Variants in ADAP1 observed in about 807,000 individuals in gnomAD.
The protein encoded by ADAP1 is ArfGAP with dual PH domains 1.
Under a neutral mutation model 54.9 loss-of-function variants are expected in ADAP1, and 31 were observed. That is an observed-to-expected ratio of 0.56 (90% confidence interval 0.42 to 0.76). The LOEUF (loss-of-function observed/expected upper bound fraction) is 0.76, where lower values mean the gene tolerates loss of function less well. ADAP1 is among the 30% of genes least tolerant of loss of function. The pLI is 0.00. For synonymous variants in ADAP1, 313 were observed against 202.6 expected (o/e 1.55, Z -4.63); for missense variants, 535 against 512.4 (o/e 1.04, Z -0.42).
chr7:947,366 TA>T (rs934780158), intron 1 of ADAP1, among the ~76,000 whole-genome samples: 1 of 151,762 alleles, frequency 6.6e-6, no homozygotes, highest in African/African-American at 2.4e-5. Flanking sequence ...CTTGATTTTT[TA>T]AAAAAGGAGA....
At chr7:936,777 G>A (rs538833651) in intron 1 of ADAP1, among the ~76,000 whole-genome samples, 28 of 152,348 alleles carry the variant, frequency 1.8e-4, no homozygotes, top group Non-Finnish European at 1.9e-4. Context: ...GGTGGAAATC[G>A]AGGCGCTTCC....
rs796284490 is a variant in ADAP1, at chr7:900,700, G to T, written c.649-84C>A. ...CAGAGGGGCTGGGGTCCCCACAGAGGGGCCGCTTCCCCCAGAGCCCAGCCC... is the reference window on the plus strand; with the variant it reads ...CAGAGGGGCTGGGGTCCCCACAGAGTGGCCGCTTCCCCCAGAGCCCAGCCC... On this transcript the variant is annotated intron_variant, in intron 6 of 10. Coordinates refer to ENST00000265846, the MANE Select transcript of ADAP1 (RefSeq NM_006869.4). The T allele has an allele frequency of 1.2e-4, 142 of 1,214,902 alleles. 1 individual carries two copies. In the African/African-American group the frequency reaches 2.0e-3, roughly 17 times the overall value. 75.3% of individuals were successfully genotyped at this position (1,214,902 alleles called of 1,614,324 possible). A position where few individuals can be genotyped will look rare whatever the true frequency, so the allele number is the denominator to read the frequency against.
intron 4 of ADAP1, among the ~76,000 whole-genome samples, chr7:911,515 T>C (rs1442839732): frequency 6.6e-6 from 1 of 150,970 alleles, no homozygotes. Context: ...CTGACTCCTG[T>C]AAGACAAACA....
chr7:903,921 ATGCTGCCCGGCGCCAG>A, intron 6 of ADAP1, 189 bp downstream of exon 6: 1 of 601,082 alleles, frequency 1.7e-6, no homozygotes, highest in Non-Finnish European at 2.7e-6. Flanking sequence ...CTGTCTTCCC[ATGCTGCCCGGCGCCAG>A]TGCCCACACT....
At chr7:949,444 G>A (rs1847217416) in intron 1 of ADAP1, among the ~76,000 whole-genome samples, 1 of 152,274 alleles carries the variant, frequency 6.6e-6, no homozygotes, top group Non-Finnish European at 1.5e-5. Context: ...AGCAAGGCTT[G>A]GCAAATGCCT....
At chr7:902,421 G>A (rs1844863231) in intron 6 of ADAP1, among the ~76,000 whole-genome samples, 1 of 50,248 alleles carries the variant, frequency 2.0e-5, no homozygotes, top group Non-Finnish European at 4.4e-5. Flanking sequence ...TTGCACCACT[G>A]CACTCCAGCC....
At chr7:948,838 A>T (rs978385796) in intron 1 of ADAP1, among the ~76,000 whole-genome samples, 6 of 152,136 alleles carry the variant, frequency 3.9e-5, no homozygotes, top group African/African-American at 1.2e-4. Context: ...CTGGGATTTC[A>T]GGCGTGCGCC....
chr7:916,497 C>T (rs970301076), intron 4 of ADAP1, among the ~76,000 whole-genome samples: 12 of 152,304 alleles, frequency 7.9e-5, no homozygotes, highest in East Asian at 5.8e-4. Context: ...CCACGTGCCA[C>T]CTTGCTACAA....
intron 4 of ADAP1, among the ~76,000 whole-genome samples, chr7:914,901 T>G (rs1051907718): frequency 3.3e-5 from 5 of 151,836 alleles, no homozygotes; most frequent in African/African-American, 4.8e-5. Context: ...AGGGGAGGCT[T>G]CAAGGAGGGG....
intron 4 of ADAP1, among the ~76,000 whole-genome samples, chr7:906,671 ACAT>A: frequency 1.1e-5 from 1 of 94,002 alleles, no homozygotes; most frequent in Admixed American, 1.1e-4. Flanking sequence ...GGGAAAGGGG[ACAT>A]GGACAGGGGA....
intron 3 of ADAP1, among the ~76,000 whole-genome samples, chr7:925,217 C>G (rs1405385555): frequency 2.0e-5 from 3 of 152,218 alleles, no homozygotes; most frequent in African/African-American, 7.2e-5. Context: ...CTGAACACAC[C>G]TCCAGCCCCT....
intron 2 of ADAP1, chr7:927,347 T>C: frequency 1.2e-6 from 1 of 846,126 alleles, no homozygotes; most frequent in Non-Finnish European, 1.7e-6. Context: ...GCAATGACCC[T>C]GCCGCCAGCC....
intron 4 of ADAP1, among the ~76,000 whole-genome samples, chr7:915,032 GC>G (rs1845875070): frequency 1.3e-5 from 1 of 74,416 alleles, no homozygotes; most frequent in Non-Finnish European, 2.5e-5. Flanking sequence ...GGGGCCCGAG[GC>G]CCTCTGGCTG....
intron 4 of ADAP1, 27 bp from the exon 5 acceptor site, chr7:905,199 G>T: frequency 1.3e-6 from 2 of 1,584,772 alleles, no homozygotes; most frequent in Non-Finnish European, 8.6e-7. Flanking sequence ...ACACGAGTCG[G>T]TGACAGTGGA....
chr7:929,174 C>T (rs1846484992), intron 2 of ADAP1, among the ~76,000 whole-genome samples: 2 of 151,986 alleles, frequency 1.3e-5, no homozygotes, highest in African/African-American at 2.4e-5. Context: ...CGCCCGTAAT[C>T]CCAGCTACTC....
At chr7:927,080 C>A in intron 2 of ADAP1, 1 of 1,299,908 alleles carries the variant, frequency 7.7e-7, no homozygotes, top group Non-Finnish European at 1.0e-6. Flanking sequence ...CAACAGGCGC[C>A]AGACACGGGG....
At chr7:952,579 G>A (rs765959086) in intron 1 of ADAP1, among the ~76,000 whole-genome samples, 4 of 152,272 alleles carry the variant, frequency 2.6e-5, no homozygotes, top group South Asian at 4.1e-4. Flanking sequence ...TCCTGACACC[G>A]CCTGTTCCAC....
intron 4 of ADAP1, among the ~76,000 whole-genome samples, chr7:913,098 C>A (rs934814485): frequency 2.0e-5 from 3 of 152,206 alleles, no homozygotes; most frequent in African/African-American, 7.2e-5. Context: ...CCCACCTCGG[C>A]CTCCCAGAGT....
At chr7:905,603 GAAAGGA>G in intron 4 of ADAP1, 2 of 44,834 alleles carry the variant, frequency 4.5e-5, no homozygotes, top group Non-Finnish European at 7.0e-5. Context: ...GGAGAAAGGA[GAAAGGA>G]GAAAGGAGAA....
Sources: gnomAD v4.1 joint callset for allele counts (sites outside exome capture counted in the v4.1 genomes callset) on GRCh38, gnomAD v4.1.1 for gene constraint, MANE v1.5 for transcripts, NCBI Gene and HGNC (gene_info 2026-07-23, HGNC 2026-07-21) for gene names.